NLGN4Y: variants seen among roughly 807,000 people sequenced by gnomAD.
NLGN4Y encodes neuroligin-4, Y-linked.
In NLGN4Y, 4 loss-of-function variants were observed where a neutral mutation model predicts 8.4. The ratio of observed to expected loss-of-function variants is 0.48; its 90% confidence interval spans 0.23 to 1.09. The LOEUF (loss-of-function observed/expected upper bound fraction) is 1.09, where lower values mean the gene tolerates loss of function less well. Ranked by LOEUF, NLGN4Y falls within the 50% of genes least tolerant of loss-of-function variation. The probability of loss-of-function intolerance (pLI) is 0.19; values close to 1 mark genes in which losing one functional copy is unlikely to be tolerated. For missense variants in NLGN4Y, 90 were observed against 192.3 expected (o/e 0.47, Z 3.15); for synonymous variants, 35 against 75.6 (o/e 0.46, Z 2.78).
At chrY:14,795,548 A>G (rs767330386) in intron 4 of NLGN4Y, among the ~76,000 whole-genome samples, 11 of 33,509 alleles carry the variant, frequency 3.3e-4, no homozygotes, top group African/African-American at 1.3e-3. Context: ...AGCTGTGTAG[A>G]AATAGTAAGA....
intron 2 of NLGN4Y, among the ~76,000 whole-genome samples, chrY:14,643,836 C>T: frequency 5.9e-5 from 2 of 33,763 alleles, no homozygotes; most frequent in South Asian, 1.3e-3. Flanking sequence ...CATTGTAGAG[C>T]GTTAGGCAAT....
chrY:14,790,247 G>T, intron 4 of NLGN4Y, among the ~76,000 whole-genome samples: 1 of 33,794 alleles, frequency 3.0e-5, no homozygotes, highest in Non-Finnish European at 7.4e-5. Flanking sequence ...AATAGGAAGG[G>T]TTATAAAACA....
intron 4 of NLGN4Y, among the ~76,000 whole-genome samples, chrY:14,775,471 T>C: frequency 6.2e-5 from 2 of 32,258 alleles, no homozygotes; most frequent in Non-Finnish European, 1.5e-4. Flanking sequence ...TGCTTCTCTC[T>C]GTCTTTACAT....
At chrY:14,532,093 G>A (rs904700686) in intron 1 of NLGN4Y, among the ~76,000 whole-genome samples, 4 of 32,162 alleles carry the variant, frequency 1.2e-4, no homozygotes, top group African/African-American at 4.9e-4. Context: ...TCGACCTTTC[G>A]TGTGTTTTGT....
chrY:14,523,090 A>AT, upstream of NLGN4Y: 2 of 32,188 alleles, frequency 6.2e-5, no homozygotes, highest in Non-Finnish European at 1.5e-4. Flanking sequence ...ATATTTATTT[A>AT]TTTTTTCCTT....
rs757461003 is a variant in NLGN4Y at position 14,824,821 on chromosome Y, C to T, written c.871+448C>T. Among the ~76,000 whole-genome samples the T allele has an allele frequency of 1.5e-4, 5 of 33,705 alleles. No individual in the cohort carries two copies. The East Asian group carries it at 4.0e-3, about 27-fold the overall frequency. 90.4% of individuals were successfully genotyped at this position (33,705 alleles called of 37,273 possible). A position where few individuals can be genotyped will look rare whatever the true frequency, so the allele number is the denominator to read the frequency against. On this transcript the variant is annotated intron_variant, in intron 5 of 6. Coordinates refer to ENST00000684976, the MANE Select transcript of NLGN4Y (RefSeq NM_001365588.1). ...CACCATGCTTGGTTAGCAATATCTC[C>T]TCATTTAAGTGTGTGACAATTAGGT...
In NLGN4Y at chrY:14,845,081, G is replaced by A; in HGVS notation, c.*3819G>A. The A allele has an allele frequency of 3.0e-5, 1 of 33,517 alleles. No homozygotes were observed. The highest frequency in any genetic ancestry group is 1.2e-4 in the African/African-American group (1 of 8,597). The allele number at this position is 33,517 out of a possible 400,897, so 8.4% of individuals were successfully genotyped here. On this transcript the variant is annotated 3_prime_UTR_variant, in exon 7 of 7. Transcript: ENST00000684976. ...CTAGGCTATACCATAGAGCCTAGGT[G>A]TGCTATAGGCTACACATCGGTTTTG...
intron 4 of NLGN4Y, among the ~76,000 whole-genome samples, chrY:14,757,384 T>C: frequency 3.0e-5 from 1 of 32,933 alleles, no homozygotes; most frequent in African/African-American, 1.2e-4. Flanking sequence ...CAATTTTGTA[T>C]TTTCAGGAAT....
chrY:14,549,065 T>A, intron 1 of NLGN4Y, among the ~76,000 whole-genome samples: 1 of 32,449 alleles, frequency 3.1e-5, no homozygotes, highest in Non-Finnish European at 7.5e-5. Context: ...ACATTGCCTA[T>A]ATGTTCTGCC....
chrY:14,702,280 T>C (rs2080852018), intron 2 of NLGN4Y, among the ~76,000 whole-genome samples: 1 of 32,614 alleles, frequency 3.1e-5, no homozygotes, highest in Non-Finnish European at 7.5e-5. Flanking sequence ...TCATTTAATG[T>C]TAGGTATATC....
intron 2 of NLGN4Y, among the ~76,000 whole-genome samples, chrY:14,678,438 C>A (rs2080757625): frequency 3.0e-5 from 1 of 33,615 alleles, no homozygotes; most frequent in Non-Finnish European, 7.4e-5. Flanking sequence ...AGATCAAATT[C>A]TCCTTTGTTC....
intron 4 of NLGN4Y, among the ~76,000 whole-genome samples, chrY:14,808,967 T>A (rs2043067472): frequency 5.9e-5 from 2 of 34,019 alleles, no homozygotes; most frequent in Non-Finnish European, 1.5e-4. Context: ...GAAGGTCACA[T>A]GGGCCCACAC....
chrY:14,726,233 T>A (rs2080955198), intron 4 of NLGN4Y, among the ~76,000 whole-genome samples: 1 of 33,684 alleles, frequency 3.0e-5, no homozygotes, highest in African/African-American at 1.2e-4. Context: ...TGCCAGTGAT[T>A]CCTACTACAG....
At chrY:14,684,120 G>T in intron 2 of NLGN4Y, among the ~76,000 whole-genome samples, 4 of 33,876 alleles carry the variant, frequency 1.2e-4, no homozygotes, top group African/African-American at 4.6e-4. Flanking sequence ...CAGAGATTTA[G>T]CATGTAAGAC....
intron 1 of NLGN4Y, among the ~76,000 whole-genome samples, chrY:14,533,083 A>G: frequency 3.0e-5 from 1 of 33,659 alleles, no homozygotes. Flanking sequence ...ATTTAATAGA[A>G]TTTTTCATAT....
At chrY:14,707,246 A>T (rs764159807) in intron 2 of NLGN4Y, among the ~76,000 whole-genome samples, 1 of 25,863 alleles carries the variant, frequency 3.9e-5, no homozygotes, top group East Asian at 1.1e-3. Flanking sequence ...GCTATAGTAT[A>T]GTGTCATAAC....
intron 3 of NLGN4Y, among the ~76,000 whole-genome samples, chrY:14,720,620 T>C: frequency 3.0e-5 from 1 of 33,508 alleles, no homozygotes; most frequent in Non-Finnish European, 7.4e-5. Context: ...AAGTGAGTGT[T>C]GCATTATCCT....
At chrY:14,744,175 T>C (rs2081017595) in intron 4 of NLGN4Y, among the ~76,000 whole-genome samples, 1 of 33,738 alleles carries the variant, frequency 3.0e-5, no homozygotes, top group East Asian at 7.8e-4. Flanking sequence ...ACGGCACTTA[T>C]GGACACATAT....
At chrY:14,598,172 A>C (rs372963235) in intron 1 of NLGN4Y, among the ~76,000 whole-genome samples, 3 of 34,994 alleles carry the variant, frequency 8.6e-5, no homozygotes, top group South Asian at 6.2e-4. Context: ...CGTGGAGCTG[A>C]CTGCCAGTCC....
Sources: gnomAD v4.1 joint callset for allele counts (sites outside exome capture counted in the v4.1 genomes callset) on GRCh38, gnomAD v4.1.1 for gene constraint, MANE v1.5 for transcripts, NCBI Gene and HGNC (gene_info 2026-07-23, HGNC 2026-07-21) for gene names.